Variants in PTPRG observed in about 807,000 individuals in gnomAD.
The protein encoded by PTPRG is protein tyrosine phosphatase receptor type G.
In PTPRG, 102 loss-of-function variants were observed where a neutral mutation model predicts 165.3. The ratio of observed to expected loss-of-function variants is 0.62; its 90% CI spans 0.53 to 0.73. PTPRG has a LOEUF of 0.73. Ranked by LOEUF, PTPRG falls within the 30% of genes least tolerant of loss-of-function variation. PTPRG has a pLI of 0.00. For synonymous variants in PTPRG, 675 were observed against 669.5 expected (o/e 1.01, Z -0.13); for missense variants, 1,866 against 1,861.4 (o/e 1.00, Z -0.05).
intron 20 of PTPRG, among the ~76,000 whole-genome samples, chr3:62,269,423 C>G (rs947518862): frequency 6.6e-6 from 1 of 152,048 alleles, no homozygotes; most frequent in African/African-American, 2.4e-5. Context: ...AAAAATCATC[C>G]TCTTAGGTTT....
chr3:62,269,959 G>A (rs1222601493), intron 20 of PTPRG, among the ~76,000 whole-genome samples: 1 of 152,094 alleles, frequency 6.6e-6, no homozygotes, highest in Non-Finnish European at 1.5e-5. Context: ...GGCACAGCAA[G>A]AGAGTAACAA....
At chr3:62,062,058 G>A (rs1559774014) in intron 4 of PTPRG, among the ~76,000 whole-genome samples, 1 of 151,848 alleles carries the variant, frequency 6.6e-6, no homozygotes, top group Non-Finnish European at 1.5e-5. Flanking sequence ...CCAGCACTTT[G>A]GGAGGCCGAG....
intron 2 of PTPRG, among the ~76,000 whole-genome samples, chr3:61,784,471 A>T (rs944027010): frequency 6.6e-6 from 1 of 152,134 alleles, no homozygotes; most frequent in Non-Finnish European, 1.5e-5. Context: ...GAGTCAAATG[A>T]ATCATAGAGT....
At chr3:61,597,843 T>G (rs1700742237) in intron 1 of PTPRG, among the ~76,000 whole-genome samples, 1 of 152,240 alleles carries the variant, frequency 6.6e-6, no homozygotes, top group South Asian at 2.1e-4. Context: ...GACATTTTAC[T>G]AATAAGAAAT....
Position 62,195,171 on chromosome 3 carries a change from G to C in PTPRG, c.1327+1G>C. 6.2e-7 allele frequency: 1 copy of C among 1,613,996 alleles called. No individual in the cohort carries two copies. Among genetic ancestry groups the C allele is most frequent in the Non-Finnish European group, 8.5e-7 (1 of 1,179,850 alleles). ...TTTAGCCAGACGATGCTGTTTCAAG[G>C]TGAGGCTGGCTTCCCCTCCTGTGGC... On this transcript the variant is annotated splice_donor_variant, in intron 10 of 29. Coordinates refer to ENST00000474889, the MANE Select transcript of PTPRG (RefSeq NM_002841.4). LOFTEE classifies it high-confidence loss of function. The surrounding 1 kb of genome is among the most constrained non-coding windows in gnomAD (Gnocchi z 4.4).
chr3:61,954,437 C>T (rs897923507), intron 2 of PTPRG, among the ~76,000 whole-genome samples: 1 of 152,076 alleles, frequency 6.6e-6, no homozygotes, highest in African/African-American at 2.4e-5. Flanking sequence ...ACTCTTAGGG[C>T]TGGGGAAAGC....
At chr3:61,651,855 C>A (rs189999027) in intron 1 of PTPRG, among the ~76,000 whole-genome samples, 5 of 152,024 alleles carry the variant, frequency 3.3e-5, no homozygotes, top group African/African-American at 1.2e-4. Context: ...ACTAAAAATA[C>A]AAAACTTAGC....
At chr3:62,249,495 G>A (rs930548727) in intron 15 of PTPRG, among the ~76,000 whole-genome samples, 3 of 152,090 alleles carry the variant, frequency 2.0e-5, no homozygotes, top group Non-Finnish European at 4.4e-5. Flanking sequence ...AGATTTGGTC[G>A]GAATTTGGGA....
At chr3:61,635,580 A>G (rs950936967) in intron 1 of PTPRG, among the ~76,000 whole-genome samples, 11 of 151,608 alleles carry the variant, frequency 7.3e-5, no homozygotes, top group Admixed American at 3.9e-4. Context: ...CTGGTTTCAA[A>G]CTCTTGAGCT....
chr3:61,847,023 A>T (rs2036825708), intron 2 of PTPRG, among the ~76,000 whole-genome samples: 2 of 152,176 alleles, frequency 1.3e-5, no homozygotes, highest in Admixed American at 6.5e-5. Flanking sequence ...TAAAATTAAA[A>T]ATTCAATTCT....
chr3:61,749,677 T>C (rs998673772), intron 2 of PTPRG: 7 of 153,822 alleles, frequency 4.6e-5, no homozygotes, highest in Non-Finnish European at 8.7e-5. Context: ...TGGATTGTTA[T>C]TTCTAGAAGA....
Position 62,271,407 on chromosome 3 carries a change from C to A in PTPRG, c.3034C>A (p.Arg1012Ser). The A allele has an allele frequency of 6.2e-7, 1 of 1,608,226 alleles. No homozygotes were observed. Among genetic ancestry groups the A allele is most frequent in the African/African-American group, 1.3e-5 (1 of 74,816 alleles). ...KKGQKGNPKG[R>S]QNERVVIQYH... ...GGGTCAGAAGGGAAATCCCAAGGGT[C>A]GTCAGAATGAAAGGGTAGTGATCCA... The change falls in exon 21 of 30, where the codon CGT becomes AGT. Residue 1012 changes from arginine to serine, a missense_variant. Coordinates refer to ENST00000474889, the MANE Select transcript of PTPRG (RefSeq NM_002841.4). The surrounding 1 kb of genome is among the most constrained non-coding windows in gnomAD (Gnocchi z 4.1).
At chr3:62,179,894 G>A (rs144254172) in intron 8 of PTPRG, among the ~76,000 whole-genome samples, 1 of 152,194 alleles carries the variant, frequency 6.6e-6, no homozygotes, top group Non-Finnish European at 1.5e-5. Context: ...AAACATTGGA[G>A]TTCATCCTAC....
At chr3:61,910,567 C>A (rs1252244459) in intron 2 of PTPRG, among the ~76,000 whole-genome samples, 1 of 152,148 alleles carries the variant, frequency 6.6e-6, no homozygotes, top group Non-Finnish European at 1.5e-5. Context: ...CCTTTCCTTT[C>A]TATGCTGGTA....
At chr3:61,997,125 G>C (rs924151123) in intron 3 of PTPRG, among the ~76,000 whole-genome samples, 2 of 152,140 alleles carry the variant, frequency 1.3e-5, no homozygotes, top group African/African-American at 2.4e-5. Context: ...TGAGACCCAG[G>C]ATAATCCTGC....
intron 1 of PTPRG, among the ~76,000 whole-genome samples, chr3:61,597,675 CTTTAA>C (rs55642838): frequency 0.14 from 21,419 of 151,952 alleles, 1,919 homozygotes; most frequent in African/African-American, 0.25. Context: ...CTTATGTCAT[CTTTAA>C]TTTAATCTAT....
chr3:61,720,121 A>AT (rs796288666), intron 1 of PTPRG, among the ~76,000 whole-genome samples: 1,536 of 144,324 alleles, frequency 0.011, 23 homozygotes, highest in African/African-American at 0.034. Flanking sequence ...TGACAAGGGA[A>AT]TTTTTTTTTT....
intron 1 of PTPRG, among the ~76,000 whole-genome samples, chr3:61,582,417 C>G (rs7643448): frequency 0.73 from 111,352 of 152,152 alleles, 42,126 homozygotes; most frequent in African/African-American, 0.91. Context: ...CATTCTTTTT[C>G]GTCCTGGCAC....
At chr3:62,232,971 T>C (rs1456033693) in intron 14 of PTPRG, among the ~76,000 whole-genome samples, 3 of 152,252 alleles carry the variant, frequency 2.0e-5, no homozygotes, top group Non-Finnish European at 4.4e-5. Flanking sequence ...CCATAGGGCC[T>C]TAGTTTCCTT....
Sources: allele counts gnomAD v4.1 joint callset (sites outside exome capture counted in the v4.1 genomes callset), GRCh38; gene constraint gnomAD v4.1.1; non-coding constraint Gnocchi (gnomAD v3.1); transcripts MANE v1.5; gene names NCBI Gene and HGNC (gene_info 2026-07-23, HGNC 2026-07-21).